SLC9A7: variants seen among roughly 807,000 people sequenced by gnomAD.
The protein encoded by SLC9A7 is solute carrier family 9 member A7, also known as sodium/hydrogen exchanger 7.
In SLC9A7, 19 loss-of-function variants were observed where a neutral mutation model predicts 52.6. The ratio of observed to expected loss-of-function variants is 0.36; its 90% CI spans 0.25 to 0.53. The LOEUF (loss-of-function observed/expected upper bound fraction) is 0.53, where lower values mean the gene tolerates loss of function less well. SLC9A7 is among the 20% of genes least tolerant of loss of function. The pLI, the probability that SLC9A7 is intolerant of heterozygous loss-of-function variation, is 0.91. For missense variants in SLC9A7, 455 were observed against 597.9 expected (o/e 0.76, Z 2.49); for synonymous variants, 226 against 252.1 (o/e 0.90, Z 0.98).
intron 1 of SLC9A7, among the ~76,000 whole-genome samples, chrX:46,740,062 T>C (rs1921222751): frequency 8.9e-6 from 1 of 111,933 alleles, no homozygotes; most frequent in Non-Finnish European, 1.9e-5. Context: ...TAGACTTGTT[T>C]TAAATGTGTA....
intron 5 of SLC9A7, among the ~76,000 whole-genome samples, chrX:46,664,474 T>C (rs184604529): frequency 1.8e-5 from 2 of 111,975 alleles, no homozygotes; most frequent in African/African-American, 6.5e-5. Flanking sequence ...TACTAATTGA[T>C]ACAATTAGAA....
rs191450952 is a variant in SLC9A7 at position 46,622,455 on chromosome X, G to A, written c.1741-1396C>T. ...CAAATGGTTCTTTATAAAGTAATAGGCTCTAAGTTCTCAGTTCTAAGTGCC... is the reference window on the plus strand; with the variant it reads ...CAAATGGTTCTTTATAAAGTAATAGACTCTAAGTTCTCAGTTCTAAGTGCC... On this transcript the variant is annotated intron_variant, in intron 14 of 16. Coordinates refer to ENST00000616978, the MANE Select transcript of SLC9A7 (RefSeq NM_001257291.2). Among the ~76,000 whole-genome samples the A allele has an allele frequency of 5.0e-3, 555 of 111,649 alleles. 1 individual carries two copies. The highest frequency in any genetic ancestry group is 8.6e-3 in the Non-Finnish European group (456 of 53,125).
At chrX:46,691,917 G>T (rs1294282434) in intron 1 of SLC9A7, among the ~76,000 whole-genome samples, 1 of 110,898 alleles carries the variant, frequency 9.0e-6, no homozygotes, top group African/African-American at 3.3e-5. Flanking sequence ...TTCAAGGGTA[G>T]GCATAATTGT....
chrX:46,643,172 T>C (rs920016287), intron 12 of SLC9A7, 64 bp downstream of exon 12: 1 of 1,056,776 alleles, frequency 9.5e-7, no homozygotes, highest in Non-Finnish European at 1.3e-6. Flanking sequence ...CCTGCACAGG[T>C]TGTTGAACAT....
Position 46,631,642 on chromosome X carries a change from C to G in SLC9A7, c.1684G>C (p.Val562Leu). 3 of 1,206,912 alleles carry G rather than the reference C, an allele frequency of 2.5e-6. No homozygotes were observed. The highest frequency in any genetic ancestry group is 3.4e-6 in the Non-Finnish European group (3 of 891,586). ...EHHWQYFRVGVDPDQDPPPNN... is the reference protein window; with the variant it reads ...EHHWQYFRVGLDPDQDPPPNN... ...GGTGGTGGGTCTTGATCGGGGTCAA[C>G]ACCAACTCTGAAAGTCACCAGGGAG... The change falls in exon 14 of 17, where the codon GTT becomes CTT. Residue 562 changes from valine to leucine, a missense_variant. Transcript: ENST00000616978.
At chrX:46,748,575 AC>A (rs1922005447) in intron 1 of SLC9A7, among the ~76,000 whole-genome samples, 3 of 105,479 alleles carry the variant, frequency 2.8e-5, no homozygotes, top group Non-Finnish European at 3.9e-5. Context: ...GTACACACAC[AC>A]ACACACACAC....
rs1217157282 is a variant in SLC9A7, at chrX:46,726,259, C to A, written c.325+32446G>T. Among the ~76,000 whole-genome samples, 3 of 110,530 alleles carry A rather than the reference C, an allele frequency of 2.7e-5. No individual in the cohort carries two copies. The Admixed American group carries it at 2.9e-4, about 11-fold the overall frequency. On this transcript the variant is annotated intron_variant, in intron 1 of 16. Transcript: ENST00000616978. Reference sequence around the variant, plus strand: ...ACAGAGCAAGACCCTGTCTCAAAAACAAAATAATAAAAATAAATAAAATAA... The same window carrying A: ...ACAGAGCAAGACCCTGTCTCAAAAAAAAAATAATAAAAATAAATAAAATAA...
intron 1 of SLC9A7, among the ~76,000 whole-genome samples, chrX:46,753,224 A>C (rs919555163): frequency 3.6e-5 from 4 of 111,752 alleles, no homozygotes; most frequent in Admixed American, 9.5e-5. Context: ...GTAATGTGTC[A>C]GTATTAAAGA....
At chrX:46,718,717 C>A (rs1304816328) in intron 1 of SLC9A7, among the ~76,000 whole-genome samples, 3 of 112,295 alleles carry the variant, frequency 2.7e-5, no homozygotes, top group East Asian at 5.6e-4. Context: ...CACTGGCCAT[C>A]AGAGAAATGC....
intron 1 of SLC9A7, among the ~76,000 whole-genome samples, chrX:46,756,141 C>T (rs1027915268): frequency 9.0e-6 from 1 of 111,061 alleles, no homozygotes; most frequent in Admixed American, 9.6e-5. Context: ...CACAGTTGAA[C>T]TCTTTCATTC....
At chrX:46,687,026 G>C (rs1298283482) in intron 1 of SLC9A7, among the ~76,000 whole-genome samples, 2 of 111,860 alleles carry the variant, frequency 1.8e-5, no homozygotes, top group Non-Finnish European at 3.8e-5. Context: ...TATGATGAAG[G>C]AATATAATCA....
At chrX:46,651,435 T>G (rs758203299) in intron 8 of SLC9A7, 31 bp from the exon 9 acceptor site, 14 of 1,107,979 alleles carry the variant, frequency 1.3e-5, no homozygotes, top group Admixed American at 2.4e-5. Flanking sequence ...AAAAAATCAA[T>G]GGAAAAAAAA....
At chrX:46,609,240 T>C (rs1383589824) in intron 16 of SLC9A7, among the ~76,000 whole-genome samples, 1 of 111,841 alleles carries the variant, frequency 8.9e-6, no homozygotes, top group Non-Finnish European at 1.9e-5. Context: ...GAGGAAACCC[T>C]GGGCATGAAC....
Position 46,606,672 on chromosome X carries a change from T to G in SLC9A7, c.*280A>C. On this transcript the variant is annotated 3_prime_UTR_variant, in exon 17 of 17. Coordinates refer to ENST00000616978, the MANE Select transcript of SLC9A7 (RefSeq NM_001257291.2). ...TGCAGGTGAATGAATTAGGAGACCATTAAAGCATGCTATTTTTTTTTGTTT... is the reference window on the plus strand; with the variant it reads ...TGCAGGTGAATGAATTAGGAGACCAGTAAAGCATGCTATTTTTTTTTGTTT... 2 of 1,010,910 alleles carry G rather than the reference T, an allele frequency of 2.0e-6. No individual in the cohort carries two copies. Among genetic ancestry groups the G allele is most frequent in the Non-Finnish European group, 1.3e-6 (1 of 796,105 alleles). 83.3% of individuals were successfully genotyped at this position (1,010,910 alleles called of 1,213,427 possible).
intron 1 of SLC9A7, among the ~76,000 whole-genome samples, chrX:46,739,953 C>G (rs4824411): frequency 0.39 from 43,055 of 110,721 alleles, 7,715 homozygotes; most frequent in Non-Finnish European, 0.56. Flanking sequence ...ATAGCCCACT[C>G]TATTAATGAA....
At chrX:46,698,144 C>G (rs141411335) in intron 1 of SLC9A7, among the ~76,000 whole-genome samples, 5,796 of 111,871 alleles carry the variant, frequency 0.052, 391 homozygotes, top group African/African-American at 0.18. Flanking sequence ...GTCCTGTGGT[C>G]CTGTGATCTC....
chrX:46,725,905 T>G, intron 1 of SLC9A7: 1 of 395,982 alleles, frequency 2.5e-6, no homozygotes. Context: ...AGAGGAGCTA[T>G]AGGAATCAGA....
intron 1 of SLC9A7, among the ~76,000 whole-genome samples, chrX:46,711,448 T>G (rs1462154492): frequency 9.0e-6 from 1 of 111,550 alleles, no homozygotes; most frequent in Non-Finnish European, 1.9e-5. Context: ...CCTTGTGGCT[T>G]AGTGTAAAGA....
intron 1 of SLC9A7, among the ~76,000 whole-genome samples, chrX:46,694,090 A>G (rs1296870371): frequency 9.0e-6 from 1 of 110,758 alleles, no homozygotes; most frequent in East Asian, 2.8e-4. Flanking sequence ...CCTATTGTGT[A>G]CTATGCTCAC....
Sources: allele counts gnomAD v4.1 joint callset (sites outside exome capture counted in the v4.1 genomes callset), GRCh38; gene constraint gnomAD v4.1.1; transcripts MANE v1.5; gene names NCBI Gene and HGNC (gene_info 2026-07-23, HGNC 2026-07-21).